Variants in MED13 observed in about 807,000 individuals in gnomAD.
The protein encoded by MED13 is mediator of RNA polymerase II transcription subunit 13.
In MED13, 23 loss-of-function variants were observed where a neutral mutation model predicts 225.2. The observed-to-expected ratio is 0.10, with a 90% confidence interval of 0.07 to 0.14. The LOEUF is 0.14. Ranked by LOEUF, MED13 falls within the 10% of genes least tolerant of loss-of-function variation. MED13 has a pLI of 1.00. For synonymous variants in MED13, 942 were observed against 889.2 expected (o/e 1.06, Z -1.06); for missense variants, 2,197 against 2,594.5 (o/e 0.85, Z 3.33).
In MED13 at chr17:61,984,251, C is replaced by T. The variant is rs367760385; in HGVS notation, c.2808G>A (p.Glu936=). 16 of 1,611,416 alleles carry T rather than the reference C, an allele frequency of 9.9e-6. No individual in the cohort carries two copies. The African/African-American group carries it at 2.0e-4, about 20-fold the overall frequency. The stretch of plus-strand genomic sequence containing the variant: ...CAGTCCAACTCTGACGGTAAATACA[C>T]TCTTCTGGCAATTTGATAGGGGGCA... The part of the protein sequence containing the change: ...QYLPPIKLPE[E]CIYRQSWTVG... Residue 936 remains glutamate (E), a synonymous_variant, in exon 15 of 30, where the codon GAG becomes GAA. Coordinates refer to ENST00000397786, the MANE Select transcript of MED13 (RefSeq NM_005121.3).
In MED13 at chr17:62,029,869, A is replaced by C; in HGVS notation, c.1154T>G (p.Met385Arg). Residue 385 changes from methionine to arginine, a missense_variant, in exon 7 of 30, where the codon ATG (methionine) becomes AGG (arginine). Met to Arg is a moderately conservative substitution (Grantham distance 91). Around this residue, in one of 12 missense-constraint regions of MED13, gnomAD observed 884 missense variants for 918.5 expected, o/e 0.96. Coordinates refer to ENST00000397786, the MANE Select transcript of MED13 (RefSeq NM_005121.3). ...TACACACTTGTTCTGTGCTCTGTTCATATTGCATTCTTGCCAAACTCTATC... is the reference window on the plus strand; with the variant it reads ...TACACACTTGTTCTGTGCTCTGTTCCTATTGCATTCTTGCCAAACTCTATC... ...VVDRVWQECN[M>R]NRAQNKRKYS... The C allele has an allele frequency of 1.2e-6, 2 of 1,611,146 alleles. No homozygotes were observed. Among genetic ancestry groups the C allele is most frequent in the Non-Finnish European group, 1.7e-6 (2 of 1,179,218 alleles).
At chr17:62,011,267 G>C (rs1335696580) in intron 8 of MED13, 34 bp from the exon 9 acceptor site, 8 of 1,568,118 alleles carry the variant, frequency 5.1e-6, no homozygotes, top group African/African-American at 1.4e-5. Context: ...CATATTTACA[G>C]TATCACTATT....
chr17:61,987,395 T>C (rs1030281317), intron 11 of MED13, among the ~76,000 whole-genome samples: 67 of 151,894 alleles, frequency 4.4e-4, no homozygotes, highest in African/African-American at 1.5e-3. Flanking sequence ...GATAGCACCA[T>C]TGCACTCCAG....
At chr17:61,964,747 T>A (rs2080039496) in intron 20 of MED13, among the ~76,000 whole-genome samples, 1 of 151,860 alleles carries the variant, frequency 6.6e-6, no homozygotes, top group Non-Finnish European at 1.5e-5. Flanking sequence ...ACCAGCCTGG[T>A]CAACATGGCA....
chr17:61,951,929 G>A (rs1325084930), intron 27 of MED13, among the ~76,000 whole-genome samples: 3 of 151,882 alleles, frequency 2.0e-5, no homozygotes, highest in South Asian at 2.1e-4. Flanking sequence ...ATGGAGTCTC[G>A]CTCTGTCGCT....
At chr17:61,964,792 C>T (rs1603392742) in intron 20 of MED13, among the ~76,000 whole-genome samples, 1 of 151,948 alleles carries the variant, frequency 6.6e-6, no homozygotes, top group South Asian at 2.1e-4. Context: ...AAAAATTAGC[C>T]AGGCGTGGTG....
intron 3 of MED13, among the ~76,000 whole-genome samples, chr17:62,049,069 TA>T (rs1165528041): frequency 3.2e-5 from 1 of 30,828 alleles, no homozygotes; most frequent in African/African-American, 2.7e-4. Flanking sequence ...ACCATAACAG[TA>T]AATAAGACAA....
intron 18 of MED13, among the ~76,000 whole-genome samples, 184 bp downstream of exon 18, chr17:61,967,851 C>T (rs752985807): frequency 4.6e-5 from 7 of 152,258 alleles, no homozygotes; most frequent in East Asian, 1.9e-4. Flanking sequence ...CTCTGACCCA[C>T]GGCATACACA....
chr17:62,057,235 T>C (rs1197831347), intron 2 of MED13, among the ~76,000 whole-genome samples: 1 of 150,426 alleles, frequency 6.6e-6, no homozygotes, highest in East Asian at 1.9e-4. Flanking sequence ...GAGAAATGTT[T>C]AAATGCTAGA....
chr17:62,028,576 T>C (rs914124481), intron 8 of MED13, among the ~76,000 whole-genome samples: 146 of 151,832 alleles, frequency 9.6e-4, no homozygotes, highest in Non-Finnish European at 9.1e-4. Flanking sequence ...ATGAAATTAC[T>C]CTTCAAAACC....
chr17:62,055,284 G>A (rs2143767716), intron 2 of MED13, among the ~76,000 whole-genome samples: 1 of 152,042 alleles, frequency 6.6e-6, no homozygotes, highest in African/African-American at 2.4e-5. Flanking sequence ...CAGCTACTCA[G>A]GAGGCTGAGG....
intron 16 of MED13, among the ~76,000 whole-genome samples, chr17:61,981,018 C>A (rs2080199543): frequency 6.8e-6 from 1 of 147,944 alleles, no homozygotes; most frequent in Admixed American, 6.7e-5. Context: ...GCCACCGCAC[C>A]CAGCCATTTT....
chr17:62,039,677 C>T (rs1317379513), intron 3 of MED13, among the ~76,000 whole-genome samples: 1 of 151,216 alleles, frequency 6.6e-6, no homozygotes, highest in African/African-American at 2.4e-5. Context: ...CTGCAAACTC[C>T]GCCTCCCGGG....
chr17:62,030,033 A>G lies in MED13; in HGVS notation c.1010-20T>C. ...GATCAACTGAAAACAAAACAAAAAAACAGGCTGTAGGAGAATAAAGGTAGG... is the reference window on the plus strand; with the variant it reads ...GATCAACTGAAAACAAAACAAAAAAGCAGGCTGTAGGAGAATAAAGGTAGG... On this transcript the variant is annotated intron_variant, in intron 6 of 29. Coordinates refer to ENST00000397786, the MANE Select transcript of MED13 (RefSeq NM_005121.3). 6.6e-7 allele frequency: 1 copy of G among 1,518,612 alleles called. No homozygotes were observed. Among genetic ancestry groups the G allele is most frequent in the Non-Finnish European group, 8.8e-7 (1 of 1,131,238 alleles). The allele number at this position is 1,518,612 out of a possible 1,614,324, so 94.1% of individuals were successfully genotyped here.
rs2081015456 is a variant in MED13 at position 62,058,748 on chromosome 17, T to C, written c.301+4319A>G. Among the ~76,000 whole-genome samples the C allele has an allele frequency of 3.9e-5, 6 of 152,196 alleles. No homozygotes were observed. In the South Asian group the frequency reaches 1.2e-3, roughly 32 times the overall value. On this transcript the variant is annotated intron_variant, in intron 2 of 29. Coordinates refer to ENST00000397786, the MANE Select transcript of MED13 (RefSeq NM_005121.3). Reference sequence around the variant, plus strand: ...TGGAATGTTATAGTTTGGCTAATACTAGTTAGCACAAATCCTGATCCAAAA... The same window carrying C: ...TGGAATGTTATAGTTTGGCTAATACCAGTTAGCACAAATCCTGATCCAAAA...
intron 17 of MED13, among the ~76,000 whole-genome samples, chr17:61,970,386 C>T (rs1001928941): frequency 1.3e-5 from 2 of 151,966 alleles, no homozygotes. Flanking sequence ...GGAATTCAAA[C>T]TGATATTACA....
intron 17 of MED13, 137 bp downstream of exon 17, chr17:61,972,590 C>A: frequency 1.3e-6 from 1 of 771,058 alleles, no homozygotes; most frequent in South Asian, 2.4e-5. Context: ...GGAAAAAAAG[C>A]TAGGATTGGA....
At chr17:61,948,420 C>T (rs2079868350) in intron 28 of MED13, among the ~76,000 whole-genome samples, 1 of 152,166 alleles carries the variant, frequency 6.6e-6, no homozygotes, top group Non-Finnish European at 1.5e-5. Flanking sequence ...TCCCCTGAAA[C>T]ACTAAGATAA....
chr17:62,023,838 T>C (rs2080673419), intron 8 of MED13, among the ~76,000 whole-genome samples: 1 of 152,180 alleles, frequency 6.6e-6, no homozygotes, highest in African/African-American at 2.4e-5. Flanking sequence ...GCTAGATTTG[T>C]GGTGGGCAGA....
Sources: gnomAD v4.1 joint callset for allele counts (sites outside exome capture counted in the v4.1 genomes callset) on GRCh38, gnomAD v4.1.1 for gene constraint, gnomAD v4.1.1 regional missense constraint, MANE v1.5 for transcripts, NCBI Gene and HGNC (gene_info 2026-07-23, HGNC 2026-07-21) for gene names.